The following HS3ST5 variants were observed in gnomAD, a reference collection of about 807,000 sequenced individuals.
HS3ST5 encodes heparan sulfate glucosamine 3-O-sulfotransferase 5.
HS3ST5 carries 10 observed loss-of-function variants against 25.4 expected under a neutral mutation model. The observed-to-expected ratio is 0.39, with a 90% CI of 0.24 to 0.67. HS3ST5 has a LOEUF of 0.67. HS3ST5 is among the 30% of genes least tolerant of loss of function. HS3ST5 has a pLI of 0.44. For missense variants in HS3ST5, 324 were observed against 420.7 expected (o/e 0.77, Z 2.01); for synonymous variants, 170 against 162.4 (o/e 1.05, Z -0.36).
At chr6:114,318,502 A>C (rs2114870070) in intron 1 of HS3ST5, among the ~76,000 whole-genome samples, 1 of 152,212 alleles carries the variant, frequency 6.6e-6, no homozygotes, top group African/African-American at 2.4e-5. Flanking sequence ...TAATAGTAAA[A>C]TATAGGTCAT....
At chr6:114,106,038 C>T (rs944529081) in intron 3 of HS3ST5, among the ~76,000 whole-genome samples, 3 of 152,070 alleles carry the variant, frequency 2.0e-5, no homozygotes, top group Non-Finnish European at 4.4e-5. Flanking sequence ...TTACTTAATG[C>T]TCCAAGTGTT....
chr6:114,109,242 C>T (rs947926755), intron 3 of HS3ST5, among the ~76,000 whole-genome samples: 40 of 150,732 alleles, frequency 2.7e-4, no homozygotes, highest in African/African-American at 7.8e-4. Context: ...AAGGTTTAAG[C>T]GGAAGGTGTT....
At chr6:114,309,380 C>T (rs1359640609) in intron 1 of HS3ST5, among the ~76,000 whole-genome samples, 1 of 152,074 alleles carries the variant, frequency 6.6e-6, no homozygotes, top group Non-Finnish European at 1.5e-5. Flanking sequence ...AAAATGTTAC[C>T]CAATATAATG....
intron 3 of HS3ST5, among the ~76,000 whole-genome samples, chr6:114,142,069 C>T (rs575955871): frequency 6.6e-6 from 1 of 152,016 alleles, no homozygotes; most frequent in South Asian, 2.1e-4. Flanking sequence ...GTTTGTCTCT[C>T]TTCTCTCTCT....
chr6:114,177,118 T>TAGTATC (rs1417268462), intron 2 of HS3ST5, among the ~76,000 whole-genome samples: 1 of 152,190 alleles, frequency 6.6e-6, no homozygotes, highest in Non-Finnish European at 1.5e-5. Flanking sequence ...TTTGAATGGG[T>TAGTATC]AGTATCATAC....
intron 1 of HS3ST5, among the ~76,000 whole-genome samples, chr6:114,332,723 A>G (rs1776453251): frequency 6.6e-6 from 1 of 152,174 alleles, no homozygotes; most frequent in African/African-American, 2.4e-5. Flanking sequence ...GAGAAGCAGA[A>G]AGATAGCCCA....
intron 1 of HS3ST5, among the ~76,000 whole-genome samples, chr6:114,288,200 G>A (rs1461519190): frequency 6.6e-6 from 1 of 152,066 alleles, no homozygotes; most frequent in African/African-American, 2.4e-5. Flanking sequence ...CAGGTAAACA[G>A]CATTTGATAG....
chr6:114,086,643 G>A (rs929425182), intron 3 of HS3ST5, among the ~76,000 whole-genome samples: 3 of 152,172 alleles, frequency 2.0e-5, no homozygotes, highest in African/African-American at 7.2e-5. Context: ...TGGATGTTAA[G>A]TTTCCATGGT....
chr6:114,136,350 C>G (rs553265603), intron 3 of HS3ST5, among the ~76,000 whole-genome samples: 1 of 152,330 alleles, frequency 6.6e-6, no homozygotes, highest in South Asian at 2.1e-4. Flanking sequence ...AGTTCCCCTG[C>G]ACACACTCTG....
chr6:114,194,916 C>T (rs926053472), intron 2 of HS3ST5, among the ~76,000 whole-genome samples: 2 of 152,218 alleles, frequency 1.3e-5, no homozygotes, highest in Non-Finnish European at 2.9e-5. Flanking sequence ...GGCCGTGCCT[C>T]CCAGCCTATC....
At chr6:114,260,866 G>C (rs1334817969) in intron 1 of HS3ST5, among the ~76,000 whole-genome samples, 1 of 152,206 alleles carries the variant, frequency 6.6e-6, no homozygotes, top group Admixed American at 6.5e-5. Context: ...AAGGAAGCTG[G>C]AGAGGAGTGC....
intron 3 of HS3ST5, among the ~76,000 whole-genome samples, chr6:114,102,257 A>G (rs940790960): frequency 6.6e-6 from 1 of 152,188 alleles, no homozygotes; most frequent in African/African-American, 2.4e-5. Flanking sequence ...TAACCATTCA[A>G]TATGTTACTG....
chr6:114,126,650 A>G (rs1283585866), intron 3 of HS3ST5, among the ~76,000 whole-genome samples: 1 of 152,226 alleles, frequency 6.6e-6, no homozygotes, highest in Non-Finnish European at 1.5e-5. Context: ...TTTTATTGCT[A>G]TAAACTGATT....
At chr6:114,263,844 A>G (rs770927656) in intron 1 of HS3ST5, among the ~76,000 whole-genome samples, 3 of 152,168 alleles carry the variant, frequency 2.0e-5, no homozygotes, top group Non-Finnish European at 4.4e-5. Context: ...CATAGTAATT[A>G]AGGACTGAAA....
At chr6:114,173,531 T>A (rs983057090) in intron 2 of HS3ST5, among the ~76,000 whole-genome samples, 1 of 152,204 alleles carries the variant, frequency 6.6e-6, no homozygotes, top group Admixed American at 6.5e-5. Flanking sequence ...GAGCTACTTC[T>A]TAATTAAATT....
intron 1 of HS3ST5, among the ~76,000 whole-genome samples, chr6:114,267,326 T>C (rs1213468291): frequency 6.6e-5 from 10 of 152,116 alleles, no homozygotes; most frequent in African/African-American, 2.2e-4. Context: ...AATCTTCAGG[T>C]GGGGTTGTTT....
intron 3 of HS3ST5, among the ~76,000 whole-genome samples, chr6:114,153,826 G>A (rs927511877): frequency 4.6e-5 from 7 of 152,190 alleles, no homozygotes; most frequent in African/African-American, 1.7e-4. Flanking sequence ...CAATCCTGCA[G>A]GCTGGGCATG....
At chr6:114,259,116 G>C (rs935443058) in intron 1 of HS3ST5, among the ~76,000 whole-genome samples, 1 of 152,130 alleles carries the variant, frequency 6.6e-6, no homozygotes, top group African/African-American at 2.4e-5. Flanking sequence ...CTTCAGATTA[G>C]CTTCAGTTTC....
chr6:114,295,333 T>TA (rs1774769593), intron 1 of HS3ST5, among the ~76,000 whole-genome samples: 1 of 152,222 alleles, frequency 6.6e-6, no homozygotes, highest in African/African-American at 2.4e-5. Flanking sequence ...TAGGCATTGA[T>TA]AGCAAGCACA....
Sources: allele counts gnomAD v4.1 joint callset (sites outside exome capture counted in the v4.1 genomes callset), GRCh38; gene constraint gnomAD v4.1.1; transcripts MANE v1.5; gene names NCBI Gene and HGNC (gene_info 2026-07-23, HGNC 2026-07-21).